STAB2: variants seen among roughly 807,000 people sequenced by gnomAD.
STAB2 encodes stabilin 2.
STAB2 carries 288 observed loss-of-function variants against 338.1 expected under a neutral mutation model. The ratio of observed to expected loss-of-function variants is 0.85; its 90% CI spans 0.77 to 0.94. The LOEUF is 0.94. STAB2 is among the 40% of genes least tolerant of loss of function. The pLI is 0.00. For synonymous variants in STAB2, 1,202 were observed against 1,193.3 expected (o/e 1.01, Z -0.15); for missense variants, 3,141 against 3,210.1 (o/e 0.98, Z 0.52).
chr12:103,716,279 C>T (rs1880305004), intron 43 of STAB2, among the ~76,000 whole-genome samples: 1 of 152,202 alleles, frequency 6.6e-6, no homozygotes, highest in Non-Finnish European at 1.5e-5. Flanking sequence ...TGTGGGCACT[C>T]TACCAGTCAC....
At chr12:103,701,928 A>T (rs560122791) in intron 34 of STAB2, among the ~76,000 whole-genome samples, 3 of 151,454 alleles carry the variant, frequency 2.0e-5, no homozygotes, top group Non-Finnish European at 2.9e-5. Flanking sequence ...ATTTTAAACC[A>T]TTGTTGGATC....
chr12:103,685,459 TGCGTGTGTGTGTGCGTGCGC>T (rs1877333731), intron 27 of STAB2, among the ~76,000 whole-genome samples: 1 of 135,540 alleles, frequency 7.4e-6, no homozygotes, highest in Non-Finnish European at 1.7e-5. Context: ...TGTGTGCGCG[TGCGTGTGTGTGTGCGTGCGC>T]GCATGTGTGT....
Position 103,690,646 on chromosome 12 carries a change from A to T in STAB2, c.3297+108A>T, listed in dbSNP as rs910986559. The T allele has an allele frequency of 1.4e-5, 12 of 886,216 alleles. No individual in the cohort carries two copies. In the African/African-American group the frequency reaches 1.9e-4, roughly 14 times the overall value. 54.9% of individuals were successfully genotyped at this position (886,216 alleles called of 1,614,324 possible). On this transcript the variant is annotated intron_variant, in intron 30 of 68. Transcript: ENST00000388887. Reference sequence around the variant, plus strand: ...AACTTCCAAACATGCGCAAAACTACAGAGAACAGAATCCCTCATGTGGGCA... The same window carrying T: ...AACTTCCAAACATGCGCAAAACTACTGAGAACAGAATCCCTCATGTGGGCA...
intron 44 of STAB2, among the ~76,000 whole-genome samples, chr12:103,721,775 A>C (rs1217529790): frequency 6.6e-6 from 1 of 152,194 alleles, no homozygotes; most frequent in African/African-American, 2.4e-5. Context: ...AGTTCACTTG[A>C]GCTCAGGAGT....
chr12:103,619,719 C>T (rs1340213953), intron 3 of STAB2, among the ~76,000 whole-genome samples: 1 of 151,986 alleles, frequency 6.6e-6, no homozygotes, highest in Non-Finnish European at 1.5e-5. Context: ...TTAATTGGCC[C>T]CAACTGTCCC....
intron 21 of STAB2, among the ~76,000 whole-genome samples, chr12:103,669,851 G>A (rs936286679): frequency 6.6e-6 from 1 of 152,136 alleles, no homozygotes; most frequent in African/African-American, 2.4e-5. Flanking sequence ...TCTCTATTGC[G>A]GGCTGCAGGA....
chr12:103,721,587 G>T (rs1482812644), intron 44 of STAB2, among the ~76,000 whole-genome samples: 1 of 152,216 alleles, frequency 6.6e-6, no homozygotes, highest in Non-Finnish European at 1.5e-5. Context: ...GACTATGCAG[G>T]ATAGGGGTTC....
At chr12:103,663,764 A>G (rs1243849841) in intron 18 of STAB2, among the ~76,000 whole-genome samples, 2 of 152,186 alleles carry the variant, frequency 1.3e-5, no homozygotes, top group African/African-American at 2.4e-5. Flanking sequence ...TCCCAACAAG[A>G]TCACATTCTG....
chr12:103,666,147 G>T, intron 18 of STAB2, 144 bp from the exon 19 acceptor site: 2 of 716,904 alleles, frequency 2.8e-6, no homozygotes, highest in South Asian at 1.8e-5. Flanking sequence ...GAGTCGGTGT[G>T]GGGAGGGGGT....
At position 103,685,587 on chromosome 12, in the gene STAB2, C is replaced by T. The variant is rs150027196; in HGVS notation, c.2997+503C>T. The stretch of plus-strand genomic sequence containing the variant: ...TCAACAACCTTCTGCTACTATTATG[C>T]CCATTTTACAGGCAGGTAAACTGAG... On this transcript the variant is annotated intron_variant, in intron 27 of 68. Coordinates refer to ENST00000388887, the MANE Select transcript of STAB2 (RefSeq NM_017564.10). 9.6e-3 allele frequency among the ~76,000 whole-genome samples: 1,455 copies of T among 152,326 alleles called. 23 individuals are homozygous for T. The highest frequency in any genetic ancestry group is 0.033 in the African/African-American group (1,382 of 41,562).
intron 21 of STAB2, among the ~76,000 whole-genome samples, 165 bp downstream of exon 21, chr12:103,669,792 G>C (rs1875563568): frequency 6.6e-6 from 1 of 152,210 alleles, no homozygotes; most frequent in South Asian, 2.1e-4. Context: ...CTGGGTCTGG[G>C]ATGGGGGATG....
chr12:103,725,076 C>T lies in STAB2; in HGVS notation c.4785C>T (p.Cys1595=). The change falls in exon 45 of 69, where the codon TGC becomes TGT. Residue 1595 remains cysteine, a synonymous_variant. Transcript: ENST00000388887. The stretch of plus-strand genomic sequence containing the variant: ...ACTACATTGGAGATGGATTTACCTG[C>T]CGCGGCAGCATTTATCAGGTAACGC... The part of the protein sequence containing the change: ...KPNYIGDGFT[C]RGSIYQELPK... 1.2e-6 allele frequency: 2 copies of T among 1,613,188 alleles called. No homozygotes were observed. The highest frequency in any genetic ancestry group is 1.7e-6 in the Non-Finnish European group (2 of 1,179,182).
At chr12:103,765,582 T>A (rs535483174) in intron 68 of STAB2, among the ~76,000 whole-genome samples, 2 of 152,322 alleles carry the variant, frequency 1.3e-5, no homozygotes, top group East Asian at 1.9e-4. Flanking sequence ...TGGCCTTTTT[T>A]AGGCAGGGTC....
chr12:103,605,154 T>C (rs1957008626), intron 3 of STAB2, among the ~76,000 whole-genome samples: 1 of 151,956 alleles, frequency 6.6e-6, no homozygotes, highest in Non-Finnish European at 1.5e-5. Flanking sequence ...TTTTCACATA[T>C]ATTCCTGCTA....
At chr12:103,764,963 C>CT (rs1488221540) in intron 68 of STAB2, among the ~76,000 whole-genome samples, 1 of 151,536 alleles carries the variant, frequency 6.6e-6, no homozygotes, top group Non-Finnish European at 1.5e-5. Flanking sequence ...TGGTGCCTGC[C>CT]TGTAATCCCA....
chr12:103,614,710 C>T (rs1593143079), intron 3 of STAB2, among the ~76,000 whole-genome samples: 1 of 152,256 alleles, frequency 6.6e-6, no homozygotes, highest in Non-Finnish European at 1.5e-5. Flanking sequence ...TGATACACCA[C>T]ACAACCATCC....
At chr12:103,727,194 T>C in intron 46 of STAB2, 73 bp from the exon 47 acceptor site, 1 of 1,514,050 alleles carries the variant, frequency 6.6e-7, no homozygotes, top group East Asian at 2.3e-5. Flanking sequence ...CCATCATCTC[T>C]GGTATTAGTT....
At chr12:103,720,812 C>T (rs1385726881) in intron 44 of STAB2, among the ~76,000 whole-genome samples, 1 of 152,172 alleles carries the variant, frequency 6.6e-6, no homozygotes, top group East Asian at 1.9e-4. Context: ...GCTGGGCAGT[C>T]CAAGATCAAG....
intron 3 of STAB2, among the ~76,000 whole-genome samples, chr12:103,606,085 T>C (rs1957023738): frequency 6.6e-6 from 1 of 152,146 alleles, no homozygotes; most frequent in African/African-American, 2.4e-5. Flanking sequence ...TATTAATTAA[T>C]TCTTTTTTAG....
Sources: allele counts gnomAD v4.1 joint callset (sites outside exome capture counted in the v4.1 genomes callset), GRCh38; gene constraint gnomAD v4.1.1; transcripts MANE v1.5; gene names NCBI Gene and HGNC (gene_info 2026-07-23, HGNC 2026-07-21).